The following GDF9 variants were observed in gnomAD, a reference collection of about 807,000 sequenced individuals.
GDF9 encodes the protein growth/differentiation factor 9.
Under a neutral mutation model 33.8 loss-of-function variants are expected in GDF9, and 30 were observed. That is an observed-to-expected ratio of 0.89 (90% CI 0.66 to 1.20). The LOEUF (loss-of-function observed/expected upper bound fraction) is 1.20. Ranked by LOEUF, GDF9 falls within the 50% of genes most tolerant of loss-of-function variation. The pLI is 0.00. For synonymous variants in GDF9, 205 were observed against 200.7 expected, an observed-to-expected ratio of 1.02 and a Z score of -0.18; for missense variants, 556 against 543.7, an observed-to-expected ratio of 1.02 and a Z score of -0.22.
rs1759540876 is a variant in GDF9 at position 132,865,412 on chromosome 5, T to C, written c.-879A>G. 1 of 152,228 alleles carries C rather than the reference T, an allele frequency of 6.6e-6. No homozygotes were observed. The highest frequency in any genetic ancestry group is 1.5e-5 in the Non-Finnish European group (1 of 68,042). The allele number at this position is 152,228 out of a possible 1,614,324, so 9.4% of individuals were successfully genotyped here. On this transcript the variant is annotated 5_prime_UTR_variant, in exon 1 of 2. Coordinates refer to ENST00000687138, the MANE Select transcript of GDF9 (RefSeq NM_005260.7). ...ATTATTCATCCAAATGGTGGTAGAA[T>C]TTGCCACAATATTTCTGTCCTTACC...
Position 132,862,360 on chromosome 5 carries a change from G to T in GDF9, c.594C>A (p.Thr198=). Residue 198 remains threonine (T), a synonymous_variant, in exon 2 of 2, where the codon ACC becomes ACA. Coordinates refer to ENST00000687138, the MANE Select transcript of GDF9 (RefSeq NM_005260.7). Reference sequence around the variant, plus strand: ...TTCCAAATTCAAACTGTGAGTTAAAGGTAAATGAGTATGGAGCTCTGCCGA... The same window carrying T: ...TTCCAAATTCAAACTGTGAGTTAAATGTAAATGAGTATGGAGCTCTGCCGA... The part of the protein sequence containing the change: ...RTLGRAPYSF[T]FNSQFEFGKK... The T allele has an allele frequency of 6.2e-7, 1 of 1,613,990 alleles. No individual in the cohort carries two copies. The highest frequency in any genetic ancestry group is 8.5e-7 in the Non-Finnish European group (1 of 1,179,844).
Position 132,861,955 on chromosome 5 carries a change from G to A in GDF9, c.999C>T (p.Gly333=). The A allele has an allele frequency of 1.2e-6, 2 of 1,614,128 alleles. No individual in the cohort carries two copies. The highest frequency in any genetic ancestry group is 1.7e-6 in the Non-Finnish European group (2 of 1,179,986). ...TVSSELKKPL[G]PASFNLSEYF... is the part of the protein sequence containing the mutation. ...ATTCACTCAGATTGAAGGAAGCTGG[G>A]CCCAAGGGCTTCTTCAATTCAGAAC... Residue 333 remains glycine, a synonymous_variant, in exon 2 of 2, where the codon GGC becomes GGT. Transcript: ENST00000687138.
At position 132,861,813 on chromosome 5, in the gene GDF9, A is replaced by G. The variant is rs1209403407; in HGVS notation, c.1141T>C (p.Tyr381His). The change falls in exon 2 of 2, where the codon TAC (tyrosine) becomes CAC (histidine). Residue 381 changes from tyrosine to histidine, a missense_variant. Transcript: ENST00000687138. The part of the protein sequence containing the change: ...IVAPHRYNPR[Y>H]CKGDCPRAVG... The stretch of plus-strand genomic sequence containing the variant: ...GCCCTTGGACAGTCCCCTTTACAGT[A>G]TCGAGGGTTGTACCTGTGCGGAGCC... 1.9e-6 allele frequency: 3 copies of G among 1,613,632 alleles called. No individual in the cohort carries two copies. The highest frequency in any genetic ancestry group is 2.5e-6 in the Non-Finnish European group (3 of 1,179,592).
At chr5:132,862,611 CAG>C in intron 1 of GDF9, 55 bp from the exon 2 acceptor site, 1 of 1,347,492 alleles carries the variant, frequency 7.4e-7, no homozygotes, top group Admixed American at 1.7e-5. Context: ...ACACAACAGG[CAG>C]TCAAGTCAAA....
chr5:132,861,539 C>T lies in GDF9; in HGVS notation c.*50G>A. The stretch of plus-strand genomic sequence containing the variant: ...TTTCTCTTGAAGGCACACATAGGCA[C>T]ACAGTAGTTACTTTGCCAAATAGGC... On this transcript the variant is annotated 3_prime_UTR_variant, in exon 2 of 2. Coordinates refer to ENST00000687138, the MANE Select transcript of GDF9 (RefSeq NM_005260.7). The T allele has an allele frequency of 6.5e-7, 1 of 1,535,914 alleles. No homozygotes were observed. The highest frequency in any genetic ancestry group is 1.1e-5 in the South Asian group (1 of 88,998).
In GDF9 at chr5:132,862,325, T is replaced by C. The variant is rs1180092435; in HGVS notation, c.629A>G (p.Lys210Arg). 1 of 1,614,132 alleles carries C rather than the reference T, an allele frequency of 6.2e-7. No homozygotes were observed. The highest frequency in any genetic ancestry group is 8.5e-7 in the Non-Finnish European group (1 of 1,180,020). ...GCTGGTCACATCAATCTGAATCCAT[T>C]TGTGTTTCTTTCCAAATTCAAACTG... The part of the protein sequence containing the change: ...NSQFEFGKKH[K>R]WIQIDVTSLL... The change falls in exon 2 of 2, where the codon AAA (lysine) becomes AGA (arginine). Residue 210 changes from lysine (K) to arginine (R), a missense_variant. By Grantham distance (26) the Lys-to-Arg change is conservative. Transcript: ENST00000687138.
At position 132,864,701 on chromosome 5, in the gene GDF9, A is replaced by G. The variant is rs562519623; in HGVS notation, c.-168T>C. ...CCTAGCTGAAGATTTTATCAGCTCT[A>G]TATCAAGCAGCTGATAACACCTTAT... On this transcript the variant is annotated 5_prime_UTR_variant, in exon 1 of 2. Transcript: ENST00000687138. The G allele has an allele frequency of 3.1e-6, 2 of 637,820 alleles. No individual in the cohort carries two copies. Among genetic ancestry groups the G allele is most frequent in the Non-Finnish European group, 5.5e-6 (2 of 365,366 alleles). The allele number at this position is 637,820 out of a possible 1,614,324, so 39.5% of individuals were successfully genotyped here.
At chr5:132,863,250 C>T (rs4705974) in intron 1 of GDF9, among the ~76,000 whole-genome samples, 25,964 of 152,114 alleles carry the variant, frequency 0.17, 2,538 homozygotes, top group African/African-American at 0.27. Flanking sequence ...ATCAGACTTA[C>T]TAAGATGACA....
Position 132,865,850 on chromosome 5 carries a change from A to G in GDF9, c.-1317T>C, listed in dbSNP as rs1206382909. The stretch of plus-strand genomic sequence containing the variant: ...AATGCACTTCAGGGAAAACATAATA[A>G]GGCCTCTCACCCGACTTTCCTTGCT... On this transcript the variant is annotated 5_prime_UTR_variant, in exon 1 of 2. Transcript: ENST00000687138. Among the ~76,000 whole-genome samples the G allele has an allele frequency of 1.3e-5, 2 of 152,112 alleles. No homozygotes were observed. Among genetic ancestry groups the G allele is most frequent in the African/African-American group, 4.8e-5 (2 of 41,430 alleles).
At position 132,862,169 on chromosome 5, in the gene GDF9, G is replaced by A; in HGVS notation, c.785C>T (p.Ser262Leu). The A allele has an allele frequency of 6.2e-7, 1 of 1,613,344 alleles. No individual in the cohort carries two copies. The highest frequency in any genetic ancestry group is 8.5e-7 in the Non-Finnish European group (1 of 1,179,274). Residue 262 changes from serine to leucine, a missense_variant, in exon 2 of 2, where the codon TCA becomes TTA. Physicochemically the swap from Ser to Leu is moderately radical, Grantham distance 145 (BLOSUM62 -2). Transcript: ENST00000687138. ...GLFNMTLVSPSLILYLNDTSA... is the reference protein window; with the variant it reads ...GLFNMTLVSPLLILYLNDTSA... ...TGTGTCATTCAAATATAAGATCAGT[G>A]AGGGGGACACCAGAGTCATGTTAAA...
chr5:132,861,256 C>T lies in GDF9; in HGVS notation c.*333G>A, dbSNP rs1759204833. ...AATTGCCTATTTATAGCTGCAAGTC[C>T]ATCCAGGATTGATGCTAATTAAGGT... is the stretch of plus-strand genomic sequence containing the variant. On this transcript the variant is annotated 3_prime_UTR_variant, in exon 2 of 2. Coordinates refer to ENST00000687138, the MANE Select transcript of GDF9 (RefSeq NM_005260.7). The T allele has an allele frequency of 7.3e-6, 2 of 274,302 alleles. No homozygotes were observed. Among genetic ancestry groups the T allele is most frequent in the Non-Finnish European group, 1.4e-5 (2 of 143,548 alleles). The allele number at this position is 274,302 out of a possible 1,614,324, so 17.0% of individuals were successfully genotyped here. A position where few individuals can be genotyped will look rare whatever the true frequency, so the allele number is the denominator to read the frequency against.
At position 132,864,737 on chromosome 5, in the gene GDF9, T is replaced by C; in HGVS notation, c.-204A>G. ...CTGATAACACCTTATTTAGCCAATT[T>C]GTTAATTAGATACAGATTTACTTGG... On this transcript the variant is annotated 5_prime_UTR_variant, in exon 1 of 2. Transcript: ENST00000687138. The C allele has an allele frequency of 3.4e-6, 2 of 584,440 alleles. No individual in the cohort carries two copies. The highest frequency in any genetic ancestry group is 6.0e-6 in the Non-Finnish European group (2 of 331,008). 36.2% of individuals were successfully genotyped at this position (584,440 alleles called of 1,614,324 possible).
rs1164985735 is a variant in GDF9 at position 132,861,951 on chromosome 5, C to T, written c.1003G>A (p.Ala335Thr). The T allele has an allele frequency of 6.2e-7, 1 of 1,614,154 alleles. No homozygotes were observed. Among genetic ancestry groups the T allele is most frequent in the Admixed American group, 1.7e-5 (1 of 60,030 alleles). ...SSELKKPLGPASFNLSEYFRQ... is the reference protein window; with the variant it reads ...SSELKKPLGPTSFNLSEYFRQ... ...AAGTATTCACTCAGATTGAAGGAAG[C>T]TGGGCCCAAGGGCTTCTTCAATTCA... Residue 335 changes from alanine (A) to threonine (T), a missense_variant, in exon 2 of 2, where the codon GCT becomes ACT. Coordinates refer to ENST00000687138, the MANE Select transcript of GDF9 (RefSeq NM_005260.7).
At position 132,861,723 on chromosome 5, in the gene GDF9, C is replaced by A. The variant is rs759188524; in HGVS notation, c.1231G>T (p.Asp411Tyr). ...CATGACGGTCTTGGCACTGAGGAGTCCAGCTTCTCATAGATGATGTTCTGT... is the reference window on the plus strand; with the variant it reads ...CATGACGGTCTTGGCACTGAGGAGTACAGCTTCTCATAGATGATGTTCTGT... ...MVQNIIYEKL[D>Y]SSVPRPSCVP... is the part of the protein sequence containing the mutation. Residue 411 changes from aspartate to tyrosine, a missense_variant, in exon 2 of 2, where the codon GAC becomes TAC. By Grantham distance (160) the Asp-to-Tyr change is radical (BLOSUM62 -3). Coordinates refer to ENST00000687138, the MANE Select transcript of GDF9 (RefSeq NM_005260.7). 6.2e-7 allele frequency: 1 copy of A among 1,612,376 alleles called. No individual in the cohort carries two copies. The highest frequency in any genetic ancestry group is 8.5e-7 in the Non-Finnish European group (1 of 1,178,338).
At chr5:132,863,861 G>A (rs918640584) in intron 1 of GDF9, among the ~76,000 whole-genome samples, 8 of 152,148 alleles carry the variant, frequency 5.3e-5, no homozygotes, top group African/African-American at 1.9e-4. Flanking sequence ...AACAGAAAGA[G>A]GTGCTAACAT....
chr5:132,863,291 A>C (rs1759387155), intron 1 of GDF9, among the ~76,000 whole-genome samples: 1 of 152,224 alleles, frequency 6.6e-6, no homozygotes, highest in East Asian at 1.9e-4. Flanking sequence ...AGTCAATTTA[A>C]AACAATGTAA....
intron 1 of GDF9, among the ~76,000 whole-genome samples, 199 bp downstream of exon 1, chr5:132,863,938 C>G (rs1188216747): frequency 6.6e-6 from 1 of 152,200 alleles, no homozygotes; most frequent in Non-Finnish European, 1.5e-5. Context: ...AAAATTCCAT[C>G]ATATTAGCCC....
intron 1 of GDF9, 125 bp downstream of exon 1, chr5:132,864,012 G>T: frequency 9.8e-7 from 1 of 1,020,444 alleles, no homozygotes; most frequent in Non-Finnish European, 1.5e-6. Context: ...GTTTCAACTG[G>T]ATATTGAGTT....
rs965230831 is a variant in GDF9, at chr5:132,861,791, C to T, written c.1163G>A (p.Arg388Lys). The T allele has an allele frequency of 1.2e-6, 2 of 1,610,890 alleles. No individual in the cohort carries two copies. Among genetic ancestry groups the T allele is most frequent in the South Asian group, 2.2e-5 (2 of 91,008 alleles). The change falls in exon 2 of 2, where the codon AGG becomes AAG. Residue 388 changes from arginine to lysine, a missense_variant. Coordinates refer to ENST00000687138, the MANE Select transcript of GDF9 (RefSeq NM_005260.7). ...NPRYCKGDCP[R>K]AVGHRYGSPV... The stretch of plus-strand genomic sequence containing the variant: ...AGAGCCATACCGATGTCCAACTGCC[C>T]TTGGACAGTCCCCTTTACAGTATCG...
Sources: allele counts gnomAD v4.1 joint callset (sites outside exome capture counted in the v4.1 genomes callset), GRCh38; gene constraint gnomAD v4.1.1; transcripts MANE v1.5; gene names NCBI Gene and HGNC (gene_info 2026-07-23, HGNC 2026-07-21).